GLIS3: variants seen among roughly 807,000 people sequenced by gnomAD.
The protein encoded by GLIS3 is zinc finger protein GLIS3.
A neutral mutation model predicts 78.6 loss-of-function variants in GLIS3; 53 were observed. That is an observed-to-expected ratio of 0.67 (90% confidence interval 0.54 to 0.85). The LOEUF is 0.85. Among genes scored for constraint, GLIS3 ranks in the 40% least tolerant of loss-of-function variants. GLIS3 has a pLI of 0.00. For missense variants in GLIS3, 1,703 were observed against 1,231.1 expected (o/e 1.38, Z -5.74); for synonymous variants, 684 against 509.9 (o/e 1.34, Z -4.60).
intron 4 of GLIS3, among the ~76,000 whole-genome samples, chr9:3,975,680 C>T (rs1383819805): frequency 6.6e-6 from 1 of 151,962 alleles, no homozygotes; most frequent in Non-Finnish European, 1.5e-5. Flanking sequence ...TACTTGCACT[C>T]TTCCAAATAA....
chr9:3,864,742 G>A (rs1450359431), intron 8 of GLIS3, among the ~76,000 whole-genome samples: 1 of 152,086 alleles, frequency 6.6e-6, no homozygotes, highest in African/African-American at 2.4e-5. Flanking sequence ...TTTGACTAGA[G>A]AAATGAATGG....
intron 4 of GLIS3, among the ~76,000 whole-genome samples, chr9:3,992,835 A>G (rs1159521531): frequency 6.6e-6 from 1 of 152,204 alleles, no homozygotes; most frequent in Non-Finnish European, 1.5e-5. Context: ...ACCAATTCTG[A>G]TAAGGTCAAA....
chr9:3,918,744 T>C (rs187931425), intron 6 of GLIS3, among the ~76,000 whole-genome samples: 255 of 152,206 alleles, frequency 1.7e-3, no homozygotes, highest in Middle Eastern at 6.8e-3. Flanking sequence ...ACACATGGCA[T>C]TGAAAACAAA....
intron 2 of GLIS3, among the ~76,000 whole-genome samples, chr9:4,274,017 C>T (rs989822505): frequency 2.6e-5 from 4 of 152,192 alleles, no homozygotes; most frequent in Admixed American, 1.3e-4. Flanking sequence ...TACTCCAGGA[C>T]ATGTGGCCGA....
chr9:3,908,706 G>GTTTTTGTTT (rs1823893446), intron 6 of GLIS3, among the ~76,000 whole-genome samples: 2 of 85,554 alleles, frequency 2.3e-5, no homozygotes, highest in African/African-American at 5.4e-5. Flanking sequence ...ATTTGTATTT[G>GTTTTTGTTT]TTTTTTTTTT....
intron 4 of GLIS3, among the ~76,000 whole-genome samples, chr9:4,051,201 T>C (rs1273138437): frequency 6.6e-6 from 1 of 152,142 alleles, no homozygotes; most frequent in Non-Finnish European, 1.5e-5. Flanking sequence ...CTCTCACGTG[T>C]GTGTTTATGA....
chr9:4,424,485 A>G, the GLIS3 span, among the ~76,000 whole-genome samples: 1 of 152,216 alleles, frequency 6.6e-6, no homozygotes, highest in Admixed American at 6.5e-5. Context: ...TTAAAGGTCT[A>G]ACGTGGTCTC....
chr9:4,312,733 C>A (rs1407415082), intron 2 of GLIS3, among the ~76,000 whole-genome samples: 1 of 152,202 alleles, frequency 6.6e-6, no homozygotes, highest in Non-Finnish European at 1.5e-5. Flanking sequence ...CTTAGTGGAA[C>A]TGAAGGAGGC....
chr9:4,340,237 GAAT>G (rs1817815191), intron 2 of GLIS3, among the ~76,000 whole-genome samples: 1 of 146,106 alleles, frequency 6.8e-6, no homozygotes. Flanking sequence ...TTAAATCTCT[GAAT>G]AATCCAAAAC....
intron 2 of GLIS3, among the ~76,000 whole-genome samples, chr9:4,163,244 GCACACACACACA>G (rs59165297): frequency 5.9e-5 from 9 of 151,546 alleles, no homozygotes; most frequent in Non-Finnish European, 1.3e-4. Flanking sequence ...ATGTGCACTG[GCACACACACACA>G]CACACACACA....
At chr9:4,049,062 T>G (rs949298613) in intron 4 of GLIS3, among the ~76,000 whole-genome samples, 4 of 152,122 alleles carry the variant, frequency 2.6e-5, no homozygotes, top group African/African-American at 9.7e-5. Context: ...TCTAACCAAA[T>G]AGCAGTTCAG....
At chr9:4,324,864 C>T (rs1817579135) in intron 2 of GLIS3, among the ~76,000 whole-genome samples, 1 of 152,140 alleles carries the variant, frequency 6.6e-6, no homozygotes, top group Admixed American at 6.5e-5. Context: ...TTTCTCTTAC[C>T]TTGCTTTAAA....
intron 8 of GLIS3, among the ~76,000 whole-genome samples, chr9:3,867,594 T>C (rs912527244): frequency 1.3e-5 from 2 of 152,188 alleles, no homozygotes; most frequent in African/African-American, 4.8e-5. Context: ...CCACCAACCT[T>C]TTCTAATCTA....
At chr9:4,374,156 G>C in the GLIS3 span, among the ~76,000 whole-genome samples, 1 of 152,184 alleles carries the variant, frequency 6.6e-6, no homozygotes, top group Non-Finnish European at 1.5e-5. Context: ...GGACCTGCTT[G>C]TTGAAACTGC....
At chr9:4,192,972 G>C (rs553235320) in intron 2 of GLIS3, among the ~76,000 whole-genome samples, 11 of 152,356 alleles carry the variant, frequency 7.2e-5, no homozygotes, top group African/African-American at 2.4e-4. Flanking sequence ...TGCAGTGCAA[G>C]CTATGAACTG....
upstream of GLIS3, among the ~76,000 whole-genome samples, chr9:4,351,153 G>T (rs984998111): frequency 1.3e-4 from 20 of 152,268 alleles, no homozygotes; most frequent in African/African-American, 4.8e-4. Flanking sequence ...GGGAGCTGGA[G>T]AATTGCTTGA....
At chr9:4,023,015 C>T (rs958476869) in intron 4 of GLIS3, among the ~76,000 whole-genome samples, 9 of 152,170 alleles carry the variant, frequency 5.9e-5, no homozygotes, top group African/African-American at 1.9e-4. Flanking sequence ...CGGAGGTACA[C>T]AGCTGCAAAT....
At position 3,882,127 on chromosome 9, in the gene GLIS3, G is replaced by A. The variant is rs369263184; in HGVS notation, c.2129-2532C>T. On this transcript the variant is annotated intron_variant, in intron 7 of 10. Transcript: ENST00000381971. ...TATCATTTGGCAGACATGAAGCTAG[G>A]TCCTGGGACAGGAAACAAGACATCC... Among the ~76,000 whole-genome samples the A allele has an allele frequency of 4.6e-5, 7 of 152,272 alleles. No homozygotes were observed. The South Asian group carries it at 8.3e-4, about 18-fold the overall frequency.
the GLIS3 span, among the ~76,000 whole-genome samples, chr9:4,409,272 G>A: frequency 6.6e-6 from 1 of 152,152 alleles, no homozygotes; most frequent in African/African-American, 2.4e-5. Context: ...ACTGGATTCT[G>A]ATCCTTTAAA....
Sources: allele counts gnomAD v4.1 joint callset (sites outside exome capture counted in the v4.1 genomes callset), GRCh38; gene constraint gnomAD v4.1.1; transcripts MANE v1.5; gene names NCBI Gene and HGNC (gene_info 2026-07-23, HGNC 2026-07-21).